Variants in RBM12 observed in about 807,000 individuals in gnomAD.
RBM12 encodes RNA binding motif protein 12.
RBM12 carries 24 observed loss-of-function variants against 37.2 expected under a neutral mutation model. The observed-to-expected ratio is 0.65, with a 90% CI of 0.47 to 0.91. RBM12 has a LOEUF of 0.91. Among genes scored for constraint, RBM12 ranks in the 40% least tolerant of loss-of-function variants. The probability of loss-of-function intolerance (pLI) is 0.00; values close to 1 mark genes in which losing one functional copy is unlikely to be tolerated. For synonymous variants in RBM12, 420 were observed against 425.2 expected (o/e 0.99, Z 0.15); for missense variants, 1,061 against 1,183.2 (o/e 0.90, Z 1.52).
intron 1 of RBM12, chr20:35,664,274 C>T (rs2034408254): frequency 6.6e-6 from 1 of 152,308 alleles, no homozygotes; most frequent in African/African-American, 2.4e-5. Flanking sequence ...CAGGTGTGAC[C>T]TGGGTCCCCT....
chr20:35,660,879 G>C (rs919868097), intron 1 of RBM12, among the ~76,000 whole-genome samples: 44 of 152,136 alleles, frequency 2.9e-4, no homozygotes, highest in African/African-American at 9.4e-4. Context: ...GGACATATCT[G>C]GGGTCAGCCA....
In RBM12 at chr20:35,651,991, C is replaced by T. The variant is rs1321995143; in HGVS notation, c.*533G>A. The T allele has an allele frequency of 6.6e-6, 1 of 152,414 alleles. No individual in the cohort carries two copies. Among genetic ancestry groups the T allele is most frequent in the African/African-American group, 2.4e-5 (1 of 41,362 alleles). 9.4% of individuals were successfully genotyped at this position (152,414 alleles called of 1,614,324 possible). A position where few individuals can be genotyped will look rare whatever the true frequency, so the allele number is the denominator to read the frequency against. ...GCAGGACTGTCTATACAGCAAGGAC[C>T]CTTAAGAAGCAATAAAGGTACATAC... On this transcript the variant is annotated 3_prime_UTR_variant, in exon 3 of 3. Coordinates refer to ENST00000374114, the MANE Select transcript of RBM12 (RefSeq NM_006047.6).
Position 35,655,243 on chromosome 20 carries a change from G to A in RBM12, c.80C>T (p.Thr27Ile). 1.2e-6 allele frequency: 2 copies of A among 1,613,858 alleles called. No homozygotes were observed. Among genetic ancestry groups the A allele is most frequent in the East Asian group, 2.2e-5 (1 of 44,878 alleles). The change falls in exon 3 of 3, where the codon ACC becomes ATC. Residue 27 changes from threonine (T) to isoleucine (I), a missense_variant. Thr to Ile is a moderately conservative substitution (Grantham distance 89, BLOSUM62 -1). Coordinates refer to ENST00000374114, the MANE Select transcript of RBM12 (RefSeq NM_006047.6). Reference protein sequence around the residue: ...MDIRHFFSGLTIPDGGVHIVG... With the variant: ...MDIRHFFSGLIIPDGGVHIVG... ...AATATGCACGCCCCCATCAGGAATG[G>A]TCAATCCAGAGAAGAAGTGGCGAAT... is the stretch of plus-strand genomic sequence containing the variant.
At chr20:35,664,079 C>T (rs1037096327) in intron 1 of RBM12, among the ~76,000 whole-genome samples, 4 of 152,128 alleles carry the variant, frequency 2.6e-5, no homozygotes, top group African/African-American at 9.7e-5. Flanking sequence ...ACCCCACCCC[C>T]TCACCTCCTA....
intron 1 of RBM12, among the ~76,000 whole-genome samples, chr20:35,664,008 T>C (rs1427415327): frequency 6.6e-6 from 1 of 152,184 alleles, no homozygotes; most frequent in Non-Finnish European, 1.5e-5. Context: ...GCCCCTTCCC[T>C]ACTGGGGGAC....
At chr20:35,662,274 A>T (rs1342505227) in intron 1 of RBM12, among the ~76,000 whole-genome samples, 2 of 151,820 alleles carry the variant, frequency 1.3e-5, no homozygotes, top group African/African-American at 4.9e-5. Flanking sequence ...TGCTACCTTC[A>T]TTTTCACTTC....
At chr20:35,656,292 T>C (rs2033892642) in intron 2 of RBM12, among the ~76,000 whole-genome samples, 1 of 152,240 alleles carries the variant, frequency 6.6e-6, no homozygotes, top group South Asian at 2.1e-4. Context: ...GTCTTGGACC[T>C]ACACAACTCC....
chr20:35,649,638 A>G lies in RBM12; in HGVS notation c.*2886T>C, dbSNP rs550954231. 6 of 152,744 alleles carry G rather than the reference A, an allele frequency of 3.9e-5. No individual in the cohort carries two copies. Among genetic ancestry groups the G allele is most frequent in the African/African-American group, 1.4e-4 (6 of 41,568 alleles). The allele number at this position is 152,744 out of a possible 1,614,324, so 9.5% of individuals were successfully genotyped here. ...CTGTGTAAACACAGAACACACCTCC[A>G]AATTATGCTTGTGAACTAAATGTTT... is the stretch of plus-strand genomic sequence containing the variant. On this transcript the variant is annotated 3_prime_UTR_variant, in exon 3 of 3. Transcript: ENST00000374114.
chr20:35,656,381 AT>A (rs2033896890), intron 2 of RBM12, among the ~76,000 whole-genome samples: 2 of 152,148 alleles, frequency 1.3e-5, no homozygotes, highest in African/African-American at 4.8e-5. Flanking sequence ...AAATTTCAGT[AT>A]TTCAGTTCCA....
In RBM12 at chr20:35,652,790, CA is replaced by C. The variant is rs1262969313; in HGVS notation, c.2532del (p.Gly845AlafsTer13). 1.2e-6 allele frequency: 2 copies of C among 1,609,692 alleles called. No individual in the cohort carries two copies. ...GGTTTTCCAGAACTAGATGCAAAGC[CA>C]GGGGGACCACCAATATGGATTGGGC... ...GPGPIHIGGPPGFASSSGKPG... is the reference protein window; with the variant it reads ...GPGPIHIGGPXGFASSSGKPG... On this transcript the variant is annotated frameshift_variant, in exon 3 of 3. Coordinates refer to ENST00000374114, the MANE Select transcript of RBM12 (RefSeq NM_006047.6). LOFTEE classifies it high-confidence loss of function.
At chr20:35,657,476 G>A (rs1480836975) in intron 2 of RBM12, among the ~76,000 whole-genome samples, 2 of 152,204 alleles carry the variant, frequency 1.3e-5, no homozygotes, top group South Asian at 2.1e-4. Context: ...GAGAGAGAGA[G>A]AGAGACTAGT....
chr20:35,659,692 A>G (rs763880282), intron 1 of RBM12, among the ~76,000 whole-genome samples: 10 of 152,148 alleles, frequency 6.6e-5, no homozygotes, highest in Non-Finnish European at 1.5e-4. Context: ...ATTTAAAAAC[A>G]CCCTAAAAAT....
chr20:35,650,467 G>C lies in RBM12; in HGVS notation c.*2057C>G. 1 of 152,582 alleles carries C rather than the reference G, an allele frequency of 6.6e-6. No homozygotes were observed. 9.5% of individuals were successfully genotyped at this position (152,582 alleles called of 1,614,324 possible). On this transcript the variant is annotated 3_prime_UTR_variant, in exon 3 of 3. Transcript: ENST00000374114. ...TCCAATGGAGAAAATATCTGTGGCT[G>C]AAATACAACTCTCAAGCAGTGCTGA...
At chr20:35,660,234 G>A (rs946490215) in intron 1 of RBM12, among the ~76,000 whole-genome samples, 7 of 151,338 alleles carry the variant, frequency 4.6e-5, no homozygotes, top group Non-Finnish European at 8.8e-5. Flanking sequence ...ACAGGGTATC[G>A]CTCTGTCGCC....
At position 35,653,264 on chromosome 20, in the gene RBM12, G is replaced by T; in HGVS notation, c.2059C>A (p.Leu687Met). 6.2e-7 allele frequency: 1 copy of T among 1,613,254 alleles called. No individual in the cohort carries two copies. Among genetic ancestry groups the T allele is most frequent in the Admixed American group, 1.7e-5 (1 of 60,002 alleles). The change falls in exon 3 of 3, where the codon CTG (leucine) becomes ATG (methionine). Residue 687 changes from leucine to methionine, a missense_variant. Physicochemically the swap from Leu to Met is conservative, Grantham distance 15. This residue lies in a region of RBM12 where 517 missense variants were observed against 534.0 expected (regional missense o/e 0.97). Coordinates refer to ENST00000374114, the MANE Select transcript of RBM12 (RefSeq NM_006047.6). ...GCACTGGGCATTCCCGCACCAGGCA[G>T]TCCTGCACTGGTTATTGCTGAACCA... ...LPGSAITSAG[L>M]PGAGMPSAGI... is the part of the protein sequence containing the mutation.
intron 1 of RBM12, among the ~76,000 whole-genome samples, chr20:35,659,722 T>C (rs1443439580): frequency 6.6e-6 from 1 of 152,184 alleles, no homozygotes; most frequent in Non-Finnish European, 1.5e-5. Context: ...ATTAAGAGTA[T>C]ATCCCAAAAT....
At chr20:35,659,229 A>C (rs6121017) in intron 1 of RBM12, among the ~76,000 whole-genome samples, 2 of 152,124 alleles carry the variant, frequency 1.3e-5, no homozygotes, top group Admixed American at 6.5e-5. Flanking sequence ...TCTCAAAATA[A>C]TTATATATTT....
At chr20:35,660,341 T>C (rs2034164275) in intron 1 of RBM12, among the ~76,000 whole-genome samples, 1 of 152,000 alleles carries the variant, frequency 6.6e-6, no homozygotes, top group Non-Finnish European at 1.5e-5. Flanking sequence ...GCCTCTGGAG[T>C]AGCTGGGACT....
At chr20:35,661,071 T>G (rs895937631) in intron 1 of RBM12, among the ~76,000 whole-genome samples, 1 of 152,226 alleles carries the variant, frequency 6.6e-6, no homozygotes, top group Non-Finnish European at 1.5e-5. Context: ...TCAATCCAGA[T>G]AGAAATTTAT....
Sources: allele counts gnomAD v4.1 joint callset (sites outside exome capture counted in the v4.1 genomes callset), GRCh38; gene constraint gnomAD v4.1.1; regional missense constraint gnomAD v4.1.1; transcripts MANE v1.5; gene names NCBI Gene and HGNC (gene_info 2026-07-23, HGNC 2026-07-21).